Variants in PRDM10 observed in about 807,000 individuals in gnomAD.
The protein encoded by PRDM10 is PR domain zinc finger protein 10.
PRDM10 carries 65 observed loss-of-function variants against 133.1 expected under a neutral mutation model. That is an observed-to-expected ratio of 0.49 (90% confidence interval 0.40 to 0.60). The LOEUF is 0.60. PRDM10 is among the 20% of genes least tolerant of loss of function. The probability of loss-of-function intolerance (pLI) is 0.00; values close to 1 mark genes in which losing one functional copy is unlikely to be tolerated. For missense variants in PRDM10, 1,137 were observed against 1,507.1 expected (o/e 0.75, Z 4.07); for synonymous variants, 582 against 580.4 (o/e 1.00, Z -0.04).
intron 1 of PRDM10, among the ~76,000 whole-genome samples, chr11:129,989,536 A>G (rs1466381985): frequency 6.6e-6 from 1 of 152,146 alleles, no homozygotes; most frequent in Non-Finnish European, 1.5e-5. Context: ...GCAGTAATTA[A>G]GTAGGAGACT....
At chr11:129,949,871 T>C (rs566551684) in intron 4 of PRDM10, among the ~76,000 whole-genome samples, 2 of 150,262 alleles carry the variant, frequency 1.3e-5, no homozygotes, top group African/African-American at 2.5e-5. Context: ...GAGGCGGAGG[T>C]TGCAGTGAGC....
In PRDM10 at chr11:129,988,641, T is replaced by C. The variant is rs190800797; in HGVS notation, c.-119+14081A>G. On this transcript the variant is annotated intron_variant, in intron 1 of 20. Coordinates refer to ENST00000360871, the MANE Select transcript of PRDM10 (RefSeq NM_199437.2). ...GAGATGTTAAGTCAATGCAAACTTT[T>C]TTTTTTGAGACGGAATCTCGCTCTG... Among the ~76,000 whole-genome samples, 9 of 152,196 alleles carry C rather than the reference T, an allele frequency of 5.9e-5. No individual in the cohort carries two copies. In the East Asian group the frequency reaches 1.5e-3, roughly 26 times the overall value.
In PRDM10 at chr11:129,947,621, C is replaced by A; in HGVS notation, c.295-251G>T. 7.7e-7 allele frequency: 1 copy of A among 1,305,630 alleles called. No homozygotes were observed. Among genetic ancestry groups the A allele is most frequent in the Non-Finnish European group, 1.0e-6 (1 of 990,694 alleles). The allele number at this position is 1,305,630 out of a possible 1,614,324, so 80.9% of individuals were successfully genotyped here. A position where few individuals can be genotyped will look rare whatever the true frequency, so the allele number is the denominator to read the frequency against. ...CCCTTCTGTCCCACACCTGGGAGGGCTGCTAAGAAGGCTCAGGTGCTCCCT... is the reference window on the plus strand; with the variant it reads ...CCCTTCTGTCCCACACCTGGGAGGGATGCTAAGAAGGCTCAGGTGCTCCCT... On this transcript the variant is annotated intron_variant, in intron 4 of 20. Coordinates refer to ENST00000360871, the MANE Select transcript of PRDM10 (RefSeq NM_199437.2). The surrounding 1 kb of genome is among the most constrained non-coding windows in gnomAD (Gnocchi z 4.6).
intron 1 of PRDM10, among the ~76,000 whole-genome samples, chr11:129,978,631 C>G (rs566740175): frequency 2.0e-5 from 3 of 152,338 alleles, no homozygotes; most frequent in African/African-American, 7.2e-5. Flanking sequence ...GCTTCTCCCT[C>G]TCCATGAAGT....
intron 20 of PRDM10, among the ~76,000 whole-genome samples, chr11:129,903,425 A>G (rs896383798): frequency 1.3e-5 from 2 of 152,066 alleles, no homozygotes; most frequent in African/African-American, 2.4e-5. Context: ...TCAAGAGTAC[A>G]GGAACAACAG....
intron 20 of PRDM10, among the ~76,000 whole-genome samples, chr11:129,904,571 C>T (rs1949953272): frequency 6.6e-6 from 1 of 152,152 alleles, no homozygotes; most frequent in Non-Finnish European, 1.5e-5. Context: ...ATGATCTCGG[C>T]TCACTGCAAC....
At chr11:129,936,051 G>A (rs1421508283) in intron 8 of PRDM10, among the ~76,000 whole-genome samples, 1 of 152,168 alleles carries the variant, frequency 6.6e-6, no homozygotes, top group Non-Finnish European at 1.5e-5. Context: ...GGGAGAGAAG[G>A]GGGAGCTGGC....
At chr11:129,905,871 T>C in intron 19 of PRDM10, 130 bp from the exon 20 acceptor site, 2 of 772,138 alleles carry the variant, frequency 2.6e-6, no homozygotes, top group Non-Finnish European at 4.3e-6. Context: ...TGATGTGATT[T>C]CTTGGTGCCG....
chr11:129,969,720 T>A (rs1037576634), intron 1 of PRDM10, among the ~76,000 whole-genome samples: 1 of 151,448 alleles, frequency 6.6e-6, no homozygotes, highest in African/African-American at 2.4e-5. Flanking sequence ...GACACAAGAA[T>A]CACTTGAACC....
intron 4 of PRDM10, chr11:129,948,205 G>T (rs1951482962): frequency 2.4e-6 from 1 of 409,364 alleles, no homozygotes; most frequent in Non-Finnish European, 4.8e-6. Context: ...AAGTTCTCCT[G>T]CCTCCAATCT....
At chr11:129,932,271 A>G (rs749525630) in intron 9 of PRDM10, 40 bp from the exon 10 acceptor site, 4 of 1,602,134 alleles carry the variant, frequency 2.5e-6, no homozygotes, top group Middle Eastern at 1.7e-4. Context: ...TCATGGTTAC[A>G]TAATACTCCA....
chr11:129,944,163 C>G (rs1249523106), intron 6 of PRDM10, among the ~76,000 whole-genome samples: 1 of 152,178 alleles, frequency 6.6e-6, no homozygotes, highest in Non-Finnish European at 1.5e-5. Flanking sequence ...GCCATGATCT[C>G]AAACTTCCAG....
chr11:129,977,093 G>A (rs1937801166), intron 1 of PRDM10, among the ~76,000 whole-genome samples: 1 of 152,012 alleles, frequency 6.6e-6, no homozygotes, highest in South Asian at 2.1e-4. Context: ...ACCTTACAGA[G>A]AAAGAAGACA....
chr11:129,942,589 T>C lies in PRDM10; in HGVS notation c.803A>G (p.His268Arg). ...AGACAACTCAAACCATAGGTCTTCA[T>C]GTAAATCCCTTTCTTTCCTGTCCCC... The part of the protein sequence containing the change: ...DKGDRKERDL[H>R]EDLWFELSDE... The change falls in exon 7 of 21, where the codon CAT becomes CGT. Residue 268 changes from histidine to arginine, a missense_variant. His to Arg is a conservative substitution (Grantham distance 29). Coordinates refer to ENST00000360871, the MANE Select transcript of PRDM10 (RefSeq NM_199437.2). 2 of 1,614,168 alleles carry C rather than the reference T, an allele frequency of 1.2e-6. No homozygotes were observed. The highest frequency in any genetic ancestry group is 1.7e-6 in the Non-Finnish European group (2 of 1,180,044).
Position 129,932,111 on chromosome 11 carries a change from A to G in PRDM10, c.1278T>C (p.Asp426=), listed in dbSNP as rs778785665. 1 of 1,613,954 alleles carries G rather than the reference A, an allele frequency of 6.2e-7. No homozygotes were observed. The highest frequency in any genetic ancestry group is 1.7e-5 in the Admixed American group (1 of 60,000). The change falls in exon 10 of 21, where the codon GAT becomes GAC. Residue 426 remains aspartate (D), a synonymous_variant. Coordinates refer to ENST00000360871, the MANE Select transcript of PRDM10 (RefSeq NM_199437.2). ...TCCCGTCCCCCCGTACCTGTGTCCC[A>G]TCGTCACTCTTTTCCCCATTTTCGC... ...ITSENGEKSD[D]GTQDLLHFPT...
At position 129,912,110 on chromosome 11, in the gene PRDM10, G is replaced by A. The variant is rs772559902; in HGVS notation, c.2957C>T (p.Thr986Ile). The change falls in exon 18 of 21, where the codon ACC becomes ATC. Residue 986 changes from threonine to isoleucine, a missense_variant. Coordinates refer to ENST00000360871, the MANE Select transcript of PRDM10 (RefSeq NM_199437.2). ...QVQHIQVSEP[T>I]ASAPSSAQVS... ...CTGGGCGGAGGACGGGGCCGAGGCG[G>A]TAGGCTCGCTGACCTGGATGTGCTG... The A allele has an allele frequency of 3.1e-6, 5 of 1,611,532 alleles. No homozygotes were observed. The highest frequency in any genetic ancestry group is 4.2e-6 in the Non-Finnish European group (5 of 1,178,820).
intron 12 of PRDM10, among the ~76,000 whole-genome samples, chr11:129,924,417 G>A (rs375743022): frequency 6.6e-6 from 1 of 152,184 alleles, no homozygotes; most frequent in East Asian, 1.9e-4. Context: ...TACAGGGGAG[G>A]AGGCAGTCGG....
chr11:129,932,181 C>A lies in PRDM10; in HGVS notation c.1208G>T (p.Arg403Leu), dbSNP rs1950891377. The change falls in exon 10 of 21, where the codon CGA becomes CTA. Residue 403 changes from arginine (R) to leucine (L), a missense_variant. Around this residue, in one of 6 missense-constraint regions of PRDM10, gnomAD observed 635 missense variants for 835.2 expected, o/e 0.76. Coordinates refer to ENST00000360871, the MANE Select transcript of PRDM10 (RefSeq NM_199437.2). ...GRGKRRFGPG[R>L]RPGRPPKFIR... ...AAATTTTGGAGGACGCCCCGGCCGT[C>A]GACCTGGACCGAATCGCCTCTTGCC... The A allele has an allele frequency of 5.0e-6, 8 of 1,614,102 alleles. No individual in the cohort carries two copies. Among genetic ancestry groups the A allele is most frequent in the Non-Finnish European group, 5.9e-6 (7 of 1,179,996 alleles).
chr11:129,917,284 C>T, intron 14 of PRDM10, 47 bp from the exon 15 acceptor site: 1 of 1,396,456 alleles, frequency 7.2e-7, no homozygotes, highest in Non-Finnish European at 1.0e-6. Context: ...CCCCATTAAC[C>T]AAACAGAAGC....
Sources: gnomAD v4.1 joint callset for allele counts (sites outside exome capture counted in the v4.1 genomes callset) on GRCh38, gnomAD v4.1.1 for gene constraint, gnomAD v4.1.1 regional missense constraint, Gnocchi (gnomAD v3.1) non-coding constraint, MANE v1.5 for transcripts, NCBI Gene and HGNC (gene_info 2026-07-23, HGNC 2026-07-21) for gene names.